RDX: variants seen among roughly 807,000 people sequenced by gnomAD.
RDX encodes the protein deafness, autosomal recessive 24.
Under a neutral mutation model 83.7 loss-of-function variants are expected in RDX, and 32 were observed. The ratio of observed to expected loss-of-function variants is 0.38; its 90% CI spans 0.29 to 0.51. The LOEUF (loss-of-function observed/expected upper bound fraction) is 0.51. Among genes scored for constraint, RDX ranks in the 20% least tolerant of loss-of-function variants. The probability of loss-of-function intolerance (pLI) is 0.87; values close to 1 mark genes in which losing one functional copy is unlikely to be tolerated. For missense variants in RDX, 600 were observed against 689.9 expected, an observed-to-expected ratio of 0.87 and a Z score of 1.46; for synonymous variants, 229 against 222.7, an observed-to-expected ratio of 1.03 and a Z score of -0.25.
intron 15 of RDX, among the ~76,000 whole-genome samples, chr11:110,179,256 A>G (rs1451065293): frequency 1.3e-5 from 2 of 152,208 alleles, no homozygotes; most frequent in African/African-American, 4.8e-5. Flanking sequence ...CCCTGTAACC[A>G]TCCATCACAC....
At chr11:110,266,578 T>C (rs1050712539) in intron 3 of RDX, among the ~76,000 whole-genome samples, 1 of 152,064 alleles carries the variant, frequency 6.6e-6, no homozygotes, top group African/African-American at 2.4e-5. Context: ...GCTTATTTTT[T>C]TTTTTTAAAG....
intron 15 of RDX, among the ~76,000 whole-genome samples, chr11:110,198,139 T>C (rs1052884703): frequency 2.0e-5 from 3 of 152,154 alleles, no homozygotes; most frequent in Admixed American, 6.5e-5. Flanking sequence ...TTAAATATTA[T>C]CTCAAATATA....
At chr11:110,241,408 T>G (rs570065120) in intron 10 of RDX, among the ~76,000 whole-genome samples, 2 of 152,122 alleles carry the variant, frequency 1.3e-5, no homozygotes, top group East Asian at 3.9e-4. Context: ...GCAATTCTCC[T>G]GCCTCAGCCT....
intron 2 of RDX, among the ~76,000 whole-genome samples, chr11:110,278,650 T>G (rs1860615631): frequency 6.6e-6 from 1 of 152,140 alleles, no homozygotes. Flanking sequence ...TTATGAGGAT[T>G]TTCTACAGAA....
At chr11:110,204,398 A>G (rs1435125901) in intron 14 of RDX, among the ~76,000 whole-genome samples, 1 of 152,152 alleles carries the variant, frequency 6.6e-6, no homozygotes, top group East Asian at 1.9e-4. Flanking sequence ...GCAAAAATTT[A>G]AACAACTTTA....
At position 110,255,324 on chromosome 11, in the gene RDX, T is replaced by G; in HGVS notation, c.760A>C (p.Lys254Gln). The change falls in exon 8 of 14, where the codon AAA becomes CAA. Residue 254 changes from lysine (K) to glutamine (Q), a missense_variant. Transcript: ENST00000645495. ...TTGTCGATTGGCTTTATAACAAATTTTTTGTCATTAAATGAAATATTTCTG... is the reference window on the plus strand; with the variant it reads ...TTGTCGATTGGCTTTATAACAAATTGTTTGTCATTAAATGAAATATTTCTG... ...EIRNISFNDK[K>Q]FVIKPIDKKA... The G allele has an allele frequency of 6.3e-7, 1 of 1,593,960 alleles. No homozygotes were observed. The highest frequency in any genetic ancestry group is 8.6e-7 in the Non-Finnish European group (1 of 1,162,160).
chr11:110,219,831 T>A (rs1056888267), intron 14 of RDX, among the ~76,000 whole-genome samples: 1 of 152,152 alleles, frequency 6.6e-6, no homozygotes, highest in Non-Finnish European at 1.5e-5. Flanking sequence ...AATATATACA[T>A]CTGAAGTTCA....
At chr11:110,274,661 T>C (rs2134409885) in intron 2 of RDX, among the ~76,000 whole-genome samples, 1 of 152,252 alleles carries the variant, frequency 6.6e-6, no homozygotes, top group Non-Finnish European at 1.5e-5. Context: ...ATATATTCTG[T>C]TTGGTATGTA....
At chr11:110,264,281 A>G (rs1033030204) in intron 4 of RDX, 47 bp from the exon 5 acceptor site, 1 of 1,331,064 alleles carries the variant, frequency 7.5e-7, no homozygotes, top group South Asian at 1.3e-5. Flanking sequence ...TTAAGTTTAC[A>G]ATAATTAGAC....
At chr11:110,205,305 T>C (rs976911741) in intron 14 of RDX, among the ~76,000 whole-genome samples, 32 of 151,766 alleles carry the variant, frequency 2.1e-4, no homozygotes, top group African/African-American at 6.8e-4. Flanking sequence ...TAGGAAAATA[T>C]CTTCATGACA....
intron 1 of RDX, among the ~76,000 whole-genome samples, chr11:110,287,423 A>T (rs1861028846): frequency 6.6e-6 from 1 of 152,228 alleles, no homozygotes; most frequent in South Asian, 2.1e-4. Context: ...GTCTATACTC[A>T]TAACAAGAAA....
At chr11:110,226,089 AAC>A (rs1864425602), downstream of RDX, among the ~76,000 whole-genome samples, 1 of 151,598 alleles carries the variant, frequency 6.6e-6, no homozygotes, top group South Asian at 2.1e-4. Context: ...AAAAAAATTA[AAC>A]ACAGAATTAA....
At chr11:110,223,072 TGG>T (rs1178948125) in intron 14 of RDX, among the ~76,000 whole-genome samples, 3 of 152,008 alleles carry the variant, frequency 2.0e-5, no homozygotes, top group Non-Finnish European at 4.4e-5. Flanking sequence ...AATTTTAGGC[TGG>T]GCACGGTGGC....
chr11:110,188,281 C>T (rs941721013), intron 15 of RDX, among the ~76,000 whole-genome samples: 27 of 148,094 alleles, frequency 1.8e-4, no homozygotes, highest in Non-Finnish European at 3.6e-4. Context: ...GCAACAAGAG[C>T]GAGACTCTGT....
chr11:110,253,873 A>C (rs1297656031), intron 9 of RDX, 73 bp downstream of exon 9: 1 of 1,325,588 alleles, frequency 7.5e-7, no homozygotes, highest in Non-Finnish European at 1.1e-6. Flanking sequence ...GGTACATTTA[A>C]AAAACTGAGC....
chr11:110,229,127 A>G (rs1864529291), downstream of RDX, among the ~76,000 whole-genome samples: 1 of 152,008 alleles, frequency 6.6e-6, no homozygotes, highest in Non-Finnish European at 1.5e-5. Context: ...AGTGAGATCA[A>G]TCAATGACAA....
intron 14 of RDX, among the ~76,000 whole-genome samples, chr11:110,220,348 C>T (rs1423078657): frequency 6.6e-6 from 1 of 152,176 alleles, no homozygotes; most frequent in Non-Finnish European, 1.5e-5. Flanking sequence ...TCAACACTCA[C>T]AAGATTAATA....
intron 15 of RDX, among the ~76,000 whole-genome samples, chr11:110,180,708 TGGTGCGATCTC>T (rs1862870118): frequency 1.3e-5 from 2 of 151,586 alleles, no homozygotes; most frequent in Non-Finnish European, 2.9e-5. Flanking sequence ...TGGAGTGCAG[TGGTGCGATCTC>T]GGCTAACTGC....
intron 9 of RDX, 114 bp from the exon 10 acceptor site, chr11:110,247,947 G>A: frequency 1.7e-6 from 2 of 1,199,686 alleles, no homozygotes; most frequent in South Asian, 1.4e-5. Context: ...CAGCAACTTG[G>A]ATGAAGCTGG....
Sources: allele counts gnomAD v4.1 joint callset (sites outside exome capture counted in the v4.1 genomes callset), GRCh38; gene constraint gnomAD v4.1.1; transcripts MANE v1.5; gene names NCBI Gene and HGNC (gene_info 2026-07-23, HGNC 2026-07-21).